The following CREBL2 variants were observed in gnomAD, a reference collection of about 807,000 sequenced individuals.
The protein encoded by CREBL2 is cAMP-responsive element-binding protein-like 2.
A neutral mutation model predicts 19.5 loss-of-function variants in CREBL2; 4 were observed. The observed-to-expected ratio is 0.20, with a 90% CI of 0.10 to 0.47. CREBL2 has a LOEUF of 0.47. Ranked by LOEUF, CREBL2 falls within the 20% of genes least tolerant of loss-of-function variation. CREBL2 has a pLI of 0.98. For missense variants in CREBL2, 85 were observed against 145.1 expected, an observed-to-expected ratio of 0.59 and a Z score of 2.13; for synonymous variants, 42 against 46.6, an observed-to-expected ratio of 0.90 and a Z score of 0.40.
chr12:12,633,595 A>G (rs908927119), intron 1 of CREBL2, among the ~76,000 whole-genome samples: 14 of 152,318 alleles, frequency 9.2e-5, no homozygotes, highest in African/African-American at 3.1e-4. Context: ...AGAGCCTTGG[A>G]GTAATCTGTG....
rs140305858 is a variant in CREBL2, at chr12:12,617,278, ATACT to A, written c.15+5095_15+5098del. ...TCCAGCTGAGCAAACCAGCCAGCAC[ATACT>A]TACAATGGCAAATGAGAGAAATAAA... On this transcript the variant is annotated intron_variant, in intron 1 of 3. Coordinates refer to ENST00000228865, the MANE Select transcript of CREBL2 (RefSeq NM_001310.4). 1.2e-4 allele frequency among the ~76,000 whole-genome samples: 18 copies of A among 152,344 alleles called. No homozygotes were observed. In the East Asian group the frequency reaches 3.3e-3, roughly 28 times the overall value.
intron 1 of CREBL2, among the ~76,000 whole-genome samples, chr12:12,615,187 G>A (rs903440473): frequency 6.6e-6 from 1 of 152,102 alleles, no homozygotes; most frequent in African/African-American, 2.4e-5. Flanking sequence ...ATTAATTTTT[G>A]TATTTTTCTT....
chr12:12,641,267 T>A (rs1166896930), intron 3 of CREBL2, among the ~76,000 whole-genome samples: 1 of 141,210 alleles, frequency 7.1e-6, no homozygotes, highest in African/African-American at 2.5e-5. Context: ...TTTTTTATTT[T>A]TTTTTTTTTT....
chr12:12,636,457 G>A (rs1043813279), intron 2 of CREBL2, among the ~76,000 whole-genome samples: 4 of 151,762 alleles, frequency 2.6e-5, no homozygotes, highest in East Asian at 1.9e-4. Context: ...GTCTTGCTCT[G>A]TCGCCCAGGC....
intron 1 of CREBL2, among the ~76,000 whole-genome samples, chr12:12,613,995 T>C (rs1366928391): frequency 4.4e-4 from 61 of 138,688 alleles, no homozygotes; most frequent in African/African-American, 1.5e-3. Context: ...TTTTTCTTTT[T>C]TTTTTTTTTT....
chr12:12,643,663 T>C lies in CREBL2; in HGVS notation c.*1665T>C, dbSNP rs1056431752. 3.5e-5 allele frequency: 2 copies of C among 57,330 alleles called. No individual in the cohort carries two copies. The highest frequency in any genetic ancestry group is 7.5e-5 in the Non-Finnish European group (2 of 26,658). The allele number at this position is 57,330 out of a possible 1,614,324, so 3.6% of individuals were successfully genotyped here. A position where few individuals can be genotyped will look rare whatever the true frequency, so the allele number is the denominator to read the frequency against. On this transcript the variant is annotated 3_prime_UTR_variant, in exon 4 of 4. Coordinates refer to ENST00000228865, the MANE Select transcript of CREBL2 (RefSeq NM_001310.4). The stretch of plus-strand genomic sequence containing the variant: ...GTACTTGGTTGCAAACTCAGATCTC[T>C]AGTCTAGTCTAGTCTAGTCTAGTCT...
intron 1 of CREBL2, among the ~76,000 whole-genome samples, chr12:12,613,141 A>T (rs1260462076): frequency 1.3e-5 from 2 of 152,232 alleles, no homozygotes; most frequent in Non-Finnish European, 2.9e-5. Context: ...AAGTGCTGGG[A>T]TTACAGGCGT....
At position 12,641,253 on chromosome 12, in the gene CREBL2, A is replaced by ATTTTTTTTTTTTT. The variant is rs142404101; in HGVS notation, c.359-732_359-731insTTTTTTTTTTTTT. Among the ~76,000 whole-genome samples, 15 of 78,260 alleles carry ATTTTTTTTTTTTT rather than the reference A, an allele frequency of 1.9e-4. 1 individual carries two copies. Among genetic ancestry groups the ATTTTTTTTTTTTT allele is most frequent in the East Asian group, 3.0e-4 (1 of 3,330 alleles). 51.3% of individuals were successfully genotyped at this position (78,260 alleles called of 152,430 possible). On this transcript the variant is annotated intron_variant, in intron 3 of 3. Transcript: ENST00000228865. ...TATTATTATTATTATTATTATTATT[A>ATTTTTTTTTTTTT]TTTTTTTTTATTTTTTTTTTTTTTA...
At chr12:12,623,985 A>G (rs1275171756) in intron 1 of CREBL2, among the ~76,000 whole-genome samples, 1 of 152,202 alleles carries the variant, frequency 6.6e-6, no homozygotes, top group African/African-American at 2.4e-5. Flanking sequence ...TGGAGAGGCA[A>G]AGAATGGATT....
At chr12:12,620,265 A>G (rs528448697) in intron 1 of CREBL2, among the ~76,000 whole-genome samples, 2 of 148,604 alleles carry the variant, frequency 1.3e-5, no homozygotes, top group East Asian at 2.0e-4. Context: ...AGACGGTCTC[A>G]CTCTGTCACC....
chr12:12,638,903 C>A (rs1014970751), intron 3 of CREBL2, among the ~76,000 whole-genome samples: 1 of 152,270 alleles, frequency 6.6e-6, no homozygotes, highest in Admixed American at 6.5e-5. Flanking sequence ...ATTATGTCTA[C>A]CTAGTTATGA....
chr12:12,624,661 A>T (rs986230153), intron 1 of CREBL2, among the ~76,000 whole-genome samples: 2 of 152,194 alleles, frequency 1.3e-5, no homozygotes, highest in Admixed American at 6.5e-5. Context: ...GAAGCCCCAG[A>T]GGGAGTGTTA....
At chr12:12,626,045 A>G (rs1042596538) in intron 1 of CREBL2, among the ~76,000 whole-genome samples, 1 of 152,156 alleles carries the variant, frequency 6.6e-6, no homozygotes, top group Admixed American at 6.5e-5. Flanking sequence ...CCTTGTTCAT[A>G]ATGAGCGCTT....
chr12:12,615,272 G>A (rs1168467456), intron 1 of CREBL2, among the ~76,000 whole-genome samples: 1 of 151,894 alleles, frequency 6.6e-6, no homozygotes, highest in Non-Finnish European at 1.5e-5. Flanking sequence ...GGCTGGTCTC[G>A]AACTCCTGGC....
intron 3 of CREBL2, among the ~76,000 whole-genome samples, 182 bp downstream of exon 3, chr12:12,637,896 G>A (rs879569411): frequency 2.6e-5 from 4 of 151,728 alleles, no homozygotes; most frequent in South Asian, 4.2e-4. Flanking sequence ...ACAAAAATTC[G>A]CTGGGCATGG....
intron 2 of CREBL2, 53 bp from the exon 3 acceptor site, chr12:12,637,517 A>G (rs911174573): frequency 1.7e-5 from 20 of 1,150,364 alleles, no homozygotes; most frequent in Admixed American, 1.2e-4. Flanking sequence ...AGTAAAAGTT[A>G]ATTTAAATAT....
At position 12,643,938 on chromosome 12, in the gene CREBL2, T is replaced by A. The variant is rs4555; in HGVS notation, c.*1940T>A. The A allele has an allele frequency of 3.9e-5, 6 of 152,602 alleles. No individual in the cohort carries two copies. Among genetic ancestry groups the A allele is most frequent in the Admixed American group, 2.6e-4 (4 of 15,288 alleles). 9.5% of individuals were successfully genotyped at this position (152,602 alleles called of 1,614,324 possible). A position where few individuals can be genotyped will look rare whatever the true frequency, so the allele number is the denominator to read the frequency against. The stretch of plus-strand genomic sequence containing the variant: ...GCAAAACAACCCAAAACTTACTTTA[T>A]GTTGCTTTGTTCAGTACCTTTTGAA... On this transcript the variant is annotated 3_prime_UTR_variant, in exon 4 of 4. Coordinates refer to ENST00000228865, the MANE Select transcript of CREBL2 (RefSeq NM_001310.4).
chr12:12,615,351 A>C (rs774937631), intron 1 of CREBL2: 1 of 111,078 alleles, frequency 9.0e-6, no homozygotes, highest in African/African-American at 3.1e-5. Context: ...GCACCTGGCC[A>C]ACTTTTTGCA....
In CREBL2 at chr12:12,641,247, A is replaced by ATTTTTTTTTTTTTTT. The variant is rs1380373401; in HGVS notation, c.359-745_359-744insTTTTTTTTTTTTTTT. ...AACCTTTATTATTATTATTATTATTATTATTATTTTTTTTTATTTTTTTTT... is the reference window on the plus strand; with the variant it reads ...AACCTTTATTATTATTATTATTATTATTTTTTTTTTTTTTTTTATTATTTTTTTTTATTTTTTTTT... On this transcript the variant is annotated intron_variant, in intron 3 of 3. Coordinates refer to ENST00000228865, the MANE Select transcript of CREBL2 (RefSeq NM_001310.4). 3.6e-4 allele frequency among the ~76,000 whole-genome samples: 8 copies of ATTTTTTTTTTTTTTT among 22,064 alleles called. 1 individual carries two copies. The highest frequency in any genetic ancestry group is 8.9e-4 in the Non-Finnish European group (7 of 7,822). The allele number at this position is 22,064 out of a possible 152,430, so 14.5% of individuals were successfully genotyped here.
Sources: gnomAD v4.1 joint callset for allele counts (sites outside exome capture counted in the v4.1 genomes callset) on GRCh38, gnomAD v4.1.1 for gene constraint, MANE v1.5 for transcripts, NCBI Gene and HGNC (gene_info 2026-07-23, HGNC 2026-07-21) for gene names.